OPCML: variants seen among roughly 807,000 people sequenced by gnomAD.
OPCML encodes the protein opioid-binding protein/cell adhesion molecule.
In OPCML, 13 loss-of-function variants were observed where a neutral mutation model predicts 37.8. The observed-to-expected ratio is 0.34, with a 90% CI of 0.22 to 0.55. The LOEUF (loss-of-function observed/expected upper bound fraction) is 0.55. OPCML is among the 20% of genes least tolerant of loss of function. The pLI is 0.91. For synonymous variants in OPCML, 176 were observed against 168.8 expected, an observed-to-expected ratio of 1.04 and a Z score of -0.33; for missense variants, 341 against 435.6, an observed-to-expected ratio of 0.78 and a Z score of 1.93.
chr11:133,454,821 G>A (rs1028372007), intron 1 of OPCML, among the ~76,000 whole-genome samples: 2 of 152,096 alleles, frequency 1.3e-5, no homozygotes, highest in Non-Finnish European at 2.9e-5. Flanking sequence ...ATGATGGAAA[G>A]GATGTATCAC....
chr11:133,072,872 C>G (rs749001047), intron 1 of OPCML, among the ~76,000 whole-genome samples: 2 of 152,212 alleles, frequency 1.3e-5, no homozygotes, highest in Non-Finnish European at 2.9e-5. Flanking sequence ...ACTGGTTTTA[C>G]TGGGACAGCA....
At chr11:133,285,449 CTT>C (rs1270271550) in intron 1 of OPCML, among the ~76,000 whole-genome samples, 2 of 152,164 alleles carry the variant, frequency 1.3e-5, no homozygotes, top group African/African-American at 4.8e-5. Flanking sequence ...CGTGGGGAAT[CTT>C]TGTTGTGCCG....
chr11:133,497,672 C>T (rs1947814410), intron 1 of OPCML, among the ~76,000 whole-genome samples: 1 of 152,172 alleles, frequency 6.6e-6, no homozygotes, highest in African/African-American at 2.4e-5. Flanking sequence ...AGCACACAGC[C>T]AGCTCAGTCC....
chr11:132,852,939 C>T (rs1941881935), intron 2 of OPCML, among the ~76,000 whole-genome samples: 1 of 151,632 alleles, frequency 6.6e-6, no homozygotes, highest in Non-Finnish European at 1.5e-5. Context: ...TTGACAGACA[C>T]CTTATGTAGC....
intron 2 of OPCML, among the ~76,000 whole-genome samples, chr11:132,941,269 G>A (rs1227560427): frequency 6.6e-6 from 1 of 152,182 alleles, no homozygotes; most frequent in Non-Finnish European, 1.5e-5. Context: ...ATCTCAGAAA[G>A]CAGAAAGCTC....
At chr11:132,464,135 GAGA>G (rs1440175379) in intron 4 of OPCML, among the ~76,000 whole-genome samples, 2 of 152,110 alleles carry the variant, frequency 1.3e-5, no homozygotes, top group Non-Finnish European at 2.9e-5. Context: ...CCAGCAGATG[GAGA>G]AGATTTCCCT....
chr11:132,772,842 A>G (rs1271247850), intron 2 of OPCML: 1 of 152,250 alleles, frequency 6.6e-6, no homozygotes, highest in Non-Finnish European at 1.5e-5. Context: ...AGACATCTGC[A>G]TGGCCCAGCA....
intron 2 of OPCML, among the ~76,000 whole-genome samples, chr11:132,680,052 G>A (rs1224562080): frequency 6.6e-6 from 1 of 152,076 alleles, no homozygotes. Flanking sequence ...CAACCCACAT[G>A]TATTCCAGAA....
chr11:132,491,420 C>T (rs956006607), intron 4 of OPCML, among the ~76,000 whole-genome samples: 2 of 152,230 alleles, frequency 1.3e-5, no homozygotes, highest in African/African-American at 4.8e-5. Flanking sequence ...CCCGAGAGTG[C>T]TCCTTGCTCA....
chr11:133,057,016 T>TA (rs1363853369), intron 1 of OPCML, among the ~76,000 whole-genome samples: 1 of 152,130 alleles, frequency 6.6e-6, no homozygotes, highest in Non-Finnish European at 1.5e-5. Flanking sequence ...GCTAATTTTG[T>TA]ATTTTTTAGT....
intron 2 of OPCML, among the ~76,000 whole-genome samples, chr11:132,854,584 G>C (rs1432365440): frequency 6.6e-6 from 1 of 152,192 alleles, no homozygotes; most frequent in African/African-American, 2.4e-5. Flanking sequence ...TCTTAGCACT[G>C]AAGAGATTCC....
Position 132,657,222 on chromosome 11 carries a change from T to C in OPCML, c.244A>G (p.Ile82Val), listed in dbSNP as rs747950338. The C allele has an allele frequency of 1.2e-6, 2 of 1,614,226 alleles. No individual in the cohort carries two copies. Among genetic ancestry groups the C allele is most frequent in the South Asian group, 1.1e-5 (1 of 91,084 alleles). ...TGGGTTGGTGTATTGACCAGGATGA[T>C]CACACGAGGGTCTATGGACCACTTG... ...NDKWSIDPRV[I>V]ILVNTPTQYS... is the part of the protein sequence containing the mutation. Residue 82 changes from isoleucine to valine, a missense_variant, in exon 3 of 8, where the codon ATC becomes GTC. Transcript: ENST00000524381.
chr11:133,262,913 G>A (rs376574100), intron 1 of OPCML, among the ~76,000 whole-genome samples: 129 of 151,956 alleles, frequency 8.5e-4, no homozygotes, highest in African/African-American at 2.2e-3. Context: ...GGGGCATCCC[G>A]AGATCAGCGA....
intron 3 of OPCML, among the ~76,000 whole-genome samples, chr11:132,647,714 G>A (rs1011258058): frequency 1.3e-5 from 2 of 152,188 alleles, no homozygotes; most frequent in East Asian, 1.9e-4. Context: ...TAGGTCTTGC[G>A]GTCTCAGGAG....
chr11:132,724,557 C>A (rs114532008), intron 2 of OPCML, among the ~76,000 whole-genome samples: 1 of 152,016 alleles, frequency 6.6e-6, no homozygotes, highest in South Asian at 2.1e-4. Context: ...GTCCTCCCCC[C>A]GCACCCCACA....
chr11:132,495,068 C>T (rs576225669), intron 4 of OPCML, among the ~76,000 whole-genome samples: 2 of 151,582 alleles, frequency 1.3e-5, no homozygotes, highest in African/African-American at 4.9e-5. Flanking sequence ...TCATTGTCAC[C>T]TCCTTTGAAT....
intron 2 of OPCML, among the ~76,000 whole-genome samples, chr11:132,667,176 G>A (rs1202565869): frequency 2.0e-5 from 3 of 152,148 alleles, no homozygotes; most frequent in East Asian, 3.9e-4. Context: ...AAGGGTTTTT[G>A]TTTTGCTTTT....
intron 2 of OPCML, among the ~76,000 whole-genome samples, chr11:132,700,947 T>C (rs761797570): frequency 1.3e-5 from 2 of 152,204 alleles, no homozygotes; most frequent in Non-Finnish European, 2.9e-5. Flanking sequence ...ATGTTTGCTT[T>C]ACATATTTAG....
Position 132,853,949 on chromosome 11 carries a change from A to C in OPCML, c.146+88977T>G, listed in dbSNP as rs141913062. Reference sequence around the variant, plus strand: ...GTGTTCAATGGTGTCCTACCATTTAACTCAATTCTGACGTTATCTATTATA... The same window carrying C: ...GTGTTCAATGGTGTCCTACCATTTACCTCAATTCTGACGTTATCTATTATA... On this transcript the variant is annotated intron_variant, in intron 2 of 7. Coordinates refer to ENST00000524381, the MANE Select transcript of OPCML (RefSeq NM_001012393.5). Among the ~76,000 whole-genome samples, 916 of 152,300 alleles carry C rather than the reference A, an allele frequency of 6.0e-3. 10 individuals carry two copies. Among genetic ancestry groups the C allele is most frequent in the Non-Finnish European group, 0.011 (756 of 68,030 alleles).
Sources: gnomAD v4.1 joint callset for allele counts (sites outside exome capture counted in the v4.1 genomes callset) on GRCh38, gnomAD v4.1.1 for gene constraint, MANE v1.5 for transcripts, NCBI Gene and HGNC (gene_info 2026-07-23, HGNC 2026-07-21) for gene names.